SLIT2: variants seen among roughly 807,000 people sequenced by gnomAD.
SLIT2 encodes slit homolog 2 protein.
In SLIT2, 41 loss-of-function variants were observed where a neutral mutation model predicts 185.7. That is an observed-to-expected ratio of 0.22 (90% CI 0.17 to 0.29). The LOEUF (loss-of-function observed/expected upper bound fraction) is 0.29, where lower values mean the gene tolerates loss of function less well. Ranked by LOEUF, SLIT2 falls within the 10% of genes least tolerant of loss-of-function variation. SLIT2 has a pLI of 1.00. For missense variants in SLIT2, 1,571 were observed against 1,909.0 expected (o/e 0.82, Z 3.30); for synonymous variants, 693 against 680.2 (o/e 1.02, Z -0.29).
Position 20,524,054 on chromosome 4 carries a change from A to G in SLIT2, c.1315A>G (p.Lys439Glu), listed in dbSNP as rs376725450. The change falls in exon 14 of 37, where the codon AAG (lysine) becomes GAG (glutamate). Residue 439 changes from lysine (K) to glutamate (E), a missense_variant. Physicochemically the swap from Lys to Glu is moderately conservative, Grantham distance 56. Around this residue, in one of 3 missense-constraint regions of SLIT2, gnomAD observed 1,202 missense variants for 1,416.4 expected, o/e 0.85. Coordinates refer to ENST00000504154, the MANE Select transcript of SLIT2 (RefSeq NM_004787.4). The part of the protein sequence containing the change: ...QNPFICDCHL[K>E]WLADYLHTNP... ...CCCCTTTATTTGTGACTGCCATCTC[A>G]AGTGGCTAGCGGATTATCTCCATAC... The G allele has an allele frequency of 2.5e-6, 4 of 1,613,364 alleles. No homozygotes were observed. In the African/African-American group the frequency reaches 5.3e-5, roughly 22 times the overall value.
chr4:20,326,188 C>T (rs1216906368), intron 4 of SLIT2, among the ~76,000 whole-genome samples: 1 of 152,082 alleles, frequency 6.6e-6, no homozygotes, highest in East Asian at 1.9e-4. Context: ...AAGGATGATT[C>T]TGTCTGCAAG....
intron 30 of SLIT2, among the ~76,000 whole-genome samples, chr4:20,593,208 A>C (rs539165439): frequency 6.6e-6 from 1 of 152,284 alleles, no homozygotes; most frequent in East Asian, 1.9e-4. Flanking sequence ...AACGTGCATT[A>C]TATATAAAAA....
chr4:20,586,823 G>C (rs1011248797), intron 29 of SLIT2, among the ~76,000 whole-genome samples: 1 of 152,168 alleles, frequency 6.6e-6, no homozygotes, highest in African/African-American at 2.4e-5. Context: ...ACAGAATTGT[G>C]AAAGGTTGTT....
In SLIT2 at chr4:20,373,973, C is replaced by G. The variant is rs565891821; in HGVS notation, c.396-93779C>G. Among the ~76,000 whole-genome samples the G allele has an allele frequency of 5.7e-4, 87 of 152,192 alleles. No individual in the cohort carries two copies. In the South Asian group the frequency reaches 0.015, roughly 25 times the overall value. ...AGCAGAACCTGGTGATATTTTGTCT[C>G]TTAGAAATTGCTGTCATCTGTGAGA... On this transcript the variant is annotated intron_variant, in intron 4 of 36. Coordinates refer to ENST00000504154, the MANE Select transcript of SLIT2 (RefSeq NM_004787.4).
intron 8 of SLIT2, chr4:20,490,016 A>C (rs1717634684): frequency 6.6e-6 from 1 of 152,292 alleles, no homozygotes; most frequent in Non-Finnish European, 1.5e-5. Flanking sequence ...TGAACCCCGG[A>C]GGTGGAGCTT....
intron 15 of SLIT2, among the ~76,000 whole-genome samples, chr4:20,527,560 CA>C (rs1721407761): frequency 6.6e-6 from 1 of 152,184 alleles, no homozygotes; most frequent in South Asian, 2.1e-4. Flanking sequence ...GCTAGTATTA[CA>C]GGCGTGAGCC....
In SLIT2 at chr4:20,403,831, C is replaced by T. The variant is rs562365693; in HGVS notation, c.396-63921C>T. On this transcript the variant is annotated intron_variant, in intron 4 of 36. Transcript: ENST00000504154. ...TAATTTGCTATGGTAGAGCAGTTTTCTGTTTTATAATTGTTATTCATTCAA... is the reference window on the plus strand; with the variant it reads ...TAATTTGCTATGGTAGAGCAGTTTTTTGTTTTATAATTGTTATTCATTCAA... Among the ~76,000 whole-genome samples the T allele has an allele frequency of 2.7e-5, 4 of 150,656 alleles. No homozygotes were observed. In the South Asian group the frequency reaches 8.3e-4, roughly 31 times the overall value.
At chr4:20,419,529 C>T (rs1727985240) in intron 4 of SLIT2, among the ~76,000 whole-genome samples, 1 of 152,114 alleles carries the variant, frequency 6.6e-6, no homozygotes, top group Admixed American at 6.6e-5. Context: ...ACACTGGACT[C>T]CAACCTCAGA....
At chr4:20,610,304 A>G (rs1463380365) in intron 34 of SLIT2, 137 bp downstream of exon 34, 1 of 701,774 alleles carries the variant, frequency 1.4e-6, no homozygotes, top group African/African-American at 1.8e-5. Context: ...GATGGATGGC[A>G]AAGACAGAAC....
chr4:20,337,326 A>G (rs1720590092), intron 4 of SLIT2, among the ~76,000 whole-genome samples: 1 of 152,112 alleles, frequency 6.6e-6, no homozygotes, highest in Non-Finnish European at 1.5e-5. Context: ...ACTCCACCTT[A>G]TGAAGCCATC....
chr4:20,530,328 G>A (rs1026891086), intron 16 of SLIT2, among the ~76,000 whole-genome samples: 1 of 151,650 alleles, frequency 6.6e-6, no homozygotes, highest in Admixed American at 6.6e-5. Context: ...GGAGTGCAGT[G>A]GCACAATCAC....
chr4:20,381,614 A>T (rs1724520190), intron 4 of SLIT2, among the ~76,000 whole-genome samples: 1 of 152,190 alleles, frequency 6.6e-6, no homozygotes, highest in Non-Finnish European at 1.5e-5. Context: ...AAAAATAGAT[A>T]GCATGTAGTA....
chr4:20,590,220 A>C (rs932555929), intron 30 of SLIT2, among the ~76,000 whole-genome samples: 3 of 152,126 alleles, frequency 2.0e-5, no homozygotes, highest in African/African-American at 7.2e-5. Context: ...CTTTTTGTTT[A>C]GTACACTAAA....
chr4:20,342,501 G>A (rs923691735), intron 4 of SLIT2, among the ~76,000 whole-genome samples: 3 of 151,934 alleles, frequency 2.0e-5, no homozygotes, highest in African/African-American at 7.2e-5. Flanking sequence ...GGTGGAATTT[G>A]ACTCACGCTA....
At chr4:20,488,587 T>C (rs1346375658) in intron 7 of SLIT2, among the ~76,000 whole-genome samples, 1 of 152,230 alleles carries the variant, frequency 6.6e-6, no homozygotes, top group Non-Finnish European at 1.5e-5. Flanking sequence ...TGAAATATGT[T>C]CGTTTAAAAC....
chr4:20,254,133 G>A lies in SLIT2; in HGVS notation c.179+139G>A. The A allele has an allele frequency of 2.3e-6, 2 of 878,260 alleles. No individual in the cohort carries two copies. Among genetic ancestry groups the A allele is most frequent in the Admixed American group, 2.6e-5 (1 of 38,722 alleles). The allele number at this position is 878,260 out of a possible 1,614,324, so 54.4% of individuals were successfully genotyped here. On this transcript the variant is annotated intron_variant, in intron 1 of 36. Transcript: ENST00000504154. This position sits in a 1 kb window ranked among gnomAD's most constrained non-coding sequence, Gnocchi z 5.1. ...TCCCCCATGCACATCCTGGGGTTGAGCTCTCCGGGAGGGCACTGGCCAGGG... is the reference window on the plus strand; with the variant it reads ...TCCCCCATGCACATCCTGGGGTTGAACTCTCCGGGAGGGCACTGGCCAGGG...
intron 4 of SLIT2, among the ~76,000 whole-genome samples, chr4:20,457,365 G>GA (rs532730580): frequency 6.1e-4 from 92 of 151,934 alleles, no homozygotes; most frequent in South Asian, 3.5e-3. Flanking sequence ...AAAATTGCTA[G>GA]AAAAAAGAAT....
intron 5 of SLIT2, among the ~76,000 whole-genome samples, chr4:20,472,370 C>T (rs367786465): frequency 4.5e-5 from 1 of 22,462 alleles, no homozygotes; most frequent in Non-Finnish European, 7.3e-5. Context: ...ATATAGATAT[C>T]TATATCTATA....
rs540075557 is a variant in SLIT2 at position 20,550,553 on chromosome 4, C to T, written c.2490-274C>T. ...GAGCCTGTGAAAGCCTTCCTCACTC[C>T]ACATTTATAAAAGGAAGATCTTCTT... is the stretch of plus-strand genomic sequence containing the variant. On this transcript the variant is annotated intron_variant, in intron 24 of 36. Transcript: ENST00000504154. Among the ~76,000 whole-genome samples, 201 of 151,994 alleles carry T rather than the reference C, an allele frequency of 1.3e-3. 1 individual carries two copies. The highest frequency in any genetic ancestry group is 4.5e-3 in the African/African-American group (186 of 41,514).
Sources: allele counts gnomAD v4.1 joint callset (sites outside exome capture counted in the v4.1 genomes callset), GRCh38; gene constraint gnomAD v4.1.1; regional missense constraint gnomAD v4.1.1; non-coding constraint Gnocchi (gnomAD v3.1); transcripts MANE v1.5; gene names NCBI Gene and HGNC (gene_info 2026-07-23, HGNC 2026-07-21).